The following AFG1L variants were observed in gnomAD, a reference collection of about 807,000 sequenced individuals.
AFG1L encodes AFG1 like ATPase.
AFG1L carries 53 observed loss-of-function variants against 62.2 expected under a neutral mutation model. The ratio of observed to expected loss-of-function variants is 0.85; its 90% CI spans 0.68 to 1.07. AFG1L has a LOEUF of 1.07. Ranked by LOEUF, AFG1L falls within the 50% of genes least tolerant of loss-of-function variation. The pLI is 0.00. For missense variants in AFG1L, 555 were observed against 590.5 expected (o/e 0.94, Z 0.62); for synonymous variants, 228 against 210.3 (o/e 1.08, Z -0.73).
chr6:108,315,953 G>T (rs747703543), intron 1 of AFG1L, among the ~76,000 whole-genome samples: 3 of 152,070 alleles, frequency 2.0e-5, no homozygotes, highest in Non-Finnish European at 2.9e-5. Flanking sequence ...AGAATGGAGG[G>T]GAAGGATAGC....
chr6:108,366,195 G>C (rs766814336), intron 5 of AFG1L, 38 bp from the exon 6 acceptor site: 3 of 1,308,910 alleles, frequency 2.3e-6, no homozygotes, highest in South Asian at 2.6e-5. Flanking sequence ...TACAGCAGAA[G>C]TGAAATTAAA....
At chr6:108,318,240 G>A in intron 1 of AFG1L, 2 of 311,244 alleles carry the variant, frequency 6.4e-6, no homozygotes, top group Non-Finnish European at 1.2e-5. Flanking sequence ...ATCATCATAG[G>A]CAGACTAAGC....
At chr6:108,499,652 A>G (rs902125889) in intron 10 of AFG1L, among the ~76,000 whole-genome samples, 1 of 151,488 alleles carries the variant, frequency 6.6e-6, no homozygotes, top group African/African-American at 2.4e-5. Flanking sequence ...CTCAGGAGCT[A>G]AGGTGGGAGG....
At chr6:108,319,663 C>T (rs1200707268) in intron 1 of AFG1L, 2 of 238,784 alleles carry the variant, frequency 8.4e-6, no homozygotes, top group African/African-American at 4.7e-5. Context: ...AGTGGCCATT[C>T]ACAGGTATGA....
At chr6:108,393,061 A>G (rs1344613326) in intron 6 of AFG1L, among the ~76,000 whole-genome samples, 1 of 152,110 alleles carries the variant, frequency 6.6e-6, no homozygotes, top group East Asian at 1.9e-4. Context: ...ATTTTTTACA[A>G]AATGAATGTC....
chr6:108,355,098 T>C (rs143890768), intron 3 of AFG1L, among the ~76,000 whole-genome samples: 22 of 151,954 alleles, frequency 1.4e-4, no homozygotes, highest in African/African-American at 5.3e-4. Flanking sequence ...ATTTCATCTT[T>C]CTTCTCTTTT....
intron 6 of AFG1L, among the ~76,000 whole-genome samples, chr6:108,371,576 G>T (rs1052033968): frequency 6.6e-6 from 1 of 151,212 alleles, no homozygotes; most frequent in Non-Finnish European, 1.5e-5. Flanking sequence ...TGTTGCCCAG[G>T]CTGGTCTCAA....
At chr6:108,481,376 T>C (rs963304416) in intron 10 of AFG1L, among the ~76,000 whole-genome samples, 2 of 152,128 alleles carry the variant, frequency 1.3e-5, no homozygotes, top group African/African-American at 4.8e-5. Flanking sequence ...AGACAGTGGT[T>C]CTCAAAATGT....
chr6:108,391,588 A>G (rs1354236102), intron 6 of AFG1L, among the ~76,000 whole-genome samples: 1 of 151,990 alleles, frequency 6.6e-6, no homozygotes, highest in Non-Finnish European at 1.5e-5. Context: ...TTGTCTGTTT[A>G]CTCTGCTGAC....
intron 8 of AFG1L, among the ~76,000 whole-genome samples, chr6:108,451,871 C>T (rs1282525498): frequency 2.6e-5 from 4 of 152,102 alleles, no homozygotes; most frequent in Non-Finnish European, 4.4e-5. Context: ...CACGCCACCA[C>T]ACCCGGCTAA....
chr6:108,300,597 T>C (rs1776950813), intron 1 of AFG1L, among the ~76,000 whole-genome samples: 1 of 152,224 alleles, frequency 6.6e-6, no homozygotes, highest in African/African-American at 2.4e-5. Context: ...TAGTACATAT[T>C]ACTAGTTAAG....
chr6:108,367,183 G>T (rs1421828009), intron 6 of AFG1L, among the ~76,000 whole-genome samples: 1 of 152,102 alleles, frequency 6.6e-6, no homozygotes, highest in African/African-American at 2.4e-5. Flanking sequence ...GGATACAAAA[G>T]CTTCATGAGG....
At chr6:108,309,390 TATA>T (rs761168748) in intron 1 of AFG1L, among the ~76,000 whole-genome samples, 8 of 152,222 alleles carry the variant, frequency 5.3e-5, no homozygotes, top group Non-Finnish European at 1.0e-4. Context: ...TCTGTAGCTT[TATA>T]ATAAGTTTTA....
intron 1 of AFG1L, among the ~76,000 whole-genome samples, chr6:108,310,145 G>T (rs1777348875): frequency 6.6e-6 from 1 of 152,156 alleles, no homozygotes; most frequent in Admixed American, 6.5e-5. Context: ...TTTTATAAGG[G>T]TTGCAAACAA....
Position 108,461,029 on chromosome 6 carries a change from T to C in AFG1L, c.890+13733T>C, listed in dbSNP as rs116740423. 6.1e-3 allele frequency among the ~76,000 whole-genome samples: 924 copies of C among 152,360 alleles called. 11 individuals carry two copies. The highest frequency in any genetic ancestry group is 0.021 in the African/African-American group (868 of 41,588). ...CTCCTGTCTCAGCCTCTCATGTAGC[T>C]GGGGCTAAATCTGACTTCTTAGTAA... is the stretch of plus-strand genomic sequence containing the variant. On this transcript the variant is annotated intron_variant, in intron 8 of 12. Transcript: ENST00000368977.
In AFG1L at chr6:108,313,666, G is replaced by T. The variant is rs1010811397; in HGVS notation, c.140-10159G>T. 7.2e-5 allele frequency among the ~76,000 whole-genome samples: 11 copies of T among 152,130 alleles called. No homozygotes were observed. The South Asian group carries it at 1.9e-3, about 26-fold the overall frequency. On this transcript the variant is annotated intron_variant, in intron 1 of 12. Coordinates refer to ENST00000368977, the MANE Select transcript of AFG1L (RefSeq NM_145315.5). ...AGTGATTCTCCCATCTCAGTCTCCT[G>T]TGTAGCTGGTACAAAGGTGTGCACC... is the stretch of plus-strand genomic sequence containing the variant.
intron 7 of AFG1L, among the ~76,000 whole-genome samples, chr6:108,428,801 G>GT (rs1018653447): frequency 1.3e-5 from 2 of 151,862 alleles, no homozygotes; most frequent in Admixed American, 1.3e-4. Flanking sequence ...GAGATTATTT[G>GT]TTTTTTTCTT....
intron 1 of AFG1L, among the ~76,000 whole-genome samples, chr6:108,322,978 T>C (rs1582589235): frequency 6.6e-6 from 1 of 152,338 alleles, no homozygotes; most frequent in East Asian, 1.9e-4. Context: ...ACACTCTTGC[T>C]GTGTCTCAAT....
chr6:108,391,350 G>A (rs996665953), intron 6 of AFG1L, among the ~76,000 whole-genome samples: 1 of 152,154 alleles, frequency 6.6e-6, no homozygotes, highest in African/African-American at 2.4e-5. Context: ...GTATTGCATT[G>A]TGGTTTTGAT....
Sources: allele counts gnomAD v4.1 joint callset (sites outside exome capture counted in the v4.1 genomes callset), GRCh38; gene constraint gnomAD v4.1.1; transcripts MANE v1.5; gene names NCBI Gene and HGNC (gene_info 2026-07-23, HGNC 2026-07-21).